Variants in EDAR observed in about 807,000 individuals in gnomAD.
EDAR encodes the protein tumor necrosis factor receptor superfamily member EDAR.
In EDAR, 38 loss-of-function variants were observed where a neutral mutation model predicts 51.3. That is an observed-to-expected ratio of 0.74 (90% CI 0.57 to 0.97). The LOEUF (loss-of-function observed/expected upper bound fraction) is 0.97, where lower values mean the gene tolerates loss of function less well. EDAR is among the 50% of genes least tolerant of loss of function. The pLI is 0.00. For missense variants in EDAR, 528 were observed against 595.0 expected (o/e 0.89, Z 1.17); for synonymous variants, 227 against 242.1 (o/e 0.94, Z 0.58).
intron 1 of EDAR, among the ~76,000 whole-genome samples, chr2:108,932,528 CAAAAAAAAAAAAAA>C (rs1171012818): frequency 2.6e-5 from 1 of 39,124 alleles, no homozygotes; most frequent in Non-Finnish European, 5.0e-5. Flanking sequence ...GACTCTGTCT[CAAAAAAAAAAAAAA>C]AAAAAAAAAA....
Position 108,910,971 on chromosome 2 carries a change from G to T in EDAR, c.631C>A (p.Leu211Met). 1 of 1,614,162 alleles carries T rather than the reference G, an allele frequency of 6.2e-7. No homozygotes were observed. The highest frequency in any genetic ancestry group is 1.7e-5 in the Admixed American group (1 of 60,024). ...CCTGGGGCAGAGGGCTTTGTCTTCAGGATGTAGAACATGATGATGAGGACG... is the reference window on the plus strand; with the variant it reads ...CCTGGGGCAGAGGGCTTTGTCTTCATGATGTAGAACATGATGATGAGGACG... ...AIVLIIMFYILKTKPSAPACC... is the reference protein window; with the variant it reads ...AIVLIIMFYIMKTKPSAPACC... Residue 211 changes from leucine to methionine, a missense_variant, in exon 7 of 12, where the codon CTG (leucine) becomes ATG (methionine). Leu to Met is a conservative substitution (Grantham distance 15). Transcript: ENST00000258443.
At chr2:108,969,024 G>A (rs999611973) in intron 1 of EDAR, among the ~76,000 whole-genome samples, 1 of 152,190 alleles carries the variant, frequency 6.6e-6, no homozygotes, top group African/African-American at 2.4e-5. Context: ...GAATCAGCAA[G>A]GCCACCTCAA....
In EDAR at chr2:108,929,198, C is replaced by T; in HGVS notation, c.356G>A (p.Gly119Asp). 1 of 1,613,968 alleles carries T rather than the reference C, an allele frequency of 6.2e-7. No homozygotes were observed. The highest frequency in any genetic ancestry group is 8.5e-7 in the Non-Finnish European group (1 of 1,180,036). ...NDAECGPCLP[G>D]YYMLENRPRN... is the part of the protein sequence containing the mutation. ...GTTTGCCAGGAGGGCCTGTGCTTAC[C>T]CAGGGAGGCAAGGGCCACACTCAGC... is the stretch of plus-strand genomic sequence containing the variant. Residue 119 changes from glycine (G) to aspartate (D), a missense_variant and splice_region_variant, in exon 4 of 12, where the codon GGC (glycine) becomes GAC (aspartate). Gly to Asp is a moderately conservative substitution (Grantham distance 94, BLOSUM62 -1). Coordinates refer to ENST00000258443, the MANE Select transcript of EDAR (RefSeq NM_022336.4).
rs183150977 is a variant in EDAR, at chr2:108,953,070, C to T, written c.-18-22038G>A. ...GATATTTTGATATAGGCATGCAATGCGTAATAACCACATCATGAAAAGTGG... is the reference window on the plus strand; with the variant it reads ...GATATTTTGATATAGGCATGCAATGTGTAATAACCACATCATGAAAAGTGG... On this transcript the variant is annotated intron_variant, in intron 1 of 11. Coordinates refer to ENST00000258443, the MANE Select transcript of EDAR (RefSeq NM_022336.4). Among the ~76,000 whole-genome samples, 158 of 152,312 alleles carry T rather than the reference C, an allele frequency of 1.0e-3. 1 individual carries two copies. The highest frequency in any genetic ancestry group is 3.7e-3 in the African/African-American group (153 of 41,566).
intron 1 of EDAR, among the ~76,000 whole-genome samples, chr2:108,987,871 A>G (rs1458269266): frequency 1.3e-5 from 2 of 152,208 alleles, no homozygotes; most frequent in Non-Finnish European, 2.9e-5. Flanking sequence ...TTAAGTGGCT[A>G]TGACTTACAA....
At position 108,906,383 on chromosome 2, in the gene EDAR, C is replaced by G. The variant is rs751100471; in HGVS notation, c.964-15G>C. 1.2e-6 allele frequency: 2 copies of G among 1,613,938 alleles called. No homozygotes were observed. The highest frequency in any genetic ancestry group is 2.7e-5 in the African/African-American group (2 of 74,934). On this transcript the variant is annotated splice_polypyrimidine_tract_variant and intron_variant, in intron 10 of 11. Coordinates refer to ENST00000258443, the MANE Select transcript of EDAR (RefSeq NM_022336.4). ...CGGCTTTGAATCTGTGAAAAAGAGTCGAGAATTTTCATCTCCAGAAAGGGG... is the reference window on the plus strand; with the variant it reads ...CGGCTTTGAATCTGTGAAAAAGAGTGGAGAATTTTCATCTCCAGAAAGGGG...
intron 4 of EDAR, among the ~76,000 whole-genome samples, chr2:108,925,896 G>A (rs1222575552): frequency 6.6e-6 from 1 of 152,108 alleles, no homozygotes; most frequent in African/African-American, 2.4e-5. Context: ...GATTACAGGC[G>A]TGAACCACCG....
At chr2:108,962,003 C>T (rs541553080) in intron 1 of EDAR, among the ~76,000 whole-genome samples, 1 of 152,228 alleles carries the variant, frequency 6.6e-6, no homozygotes, top group Non-Finnish European at 1.5e-5. Flanking sequence ...TGAGCTGTTT[C>T]TCCCAACACC....
At position 108,895,100 on chromosome 2, in the gene EDAR, A is replaced by C. The variant is rs368551221; in HGVS notation, c.*1807T>G. 1.3e-5 allele frequency: 2 copies of C among 152,806 alleles called. No individual in the cohort carries two copies. The highest frequency in any genetic ancestry group is 4.8e-5 in the African/African-American group (2 of 41,590). 9.5% of individuals were successfully genotyped at this position (152,806 alleles called of 1,614,324 possible). ...AAAGGATAATTAAGCTCTGCCGTGGAGTATTTAGCTTGCAGGGTAAACCAA... is the reference window on the plus strand; with the variant it reads ...AAAGGATAATTAAGCTCTGCCGTGGCGTATTTAGCTTGCAGGGTAAACCAA... On this transcript the variant is annotated 3_prime_UTR_variant, in exon 12 of 12. Transcript: ENST00000258443.
rs140661471 is a variant in EDAR, at chr2:108,987,283, G to A, written c.-19+1677C>T. Among the ~76,000 whole-genome samples, 1,487 of 152,336 alleles carry A rather than the reference G, an allele frequency of 9.8e-3. 19 individuals carry two copies. Among genetic ancestry groups the A allele is most frequent in the Middle Eastern group, 0.02 (6 of 294 alleles). ...GTCAGGTAACCCAGCTTCCATCTGT[G>A]GGCCTATGAGACCTGAGGAACTTTG... On this transcript the variant is annotated intron_variant, in intron 1 of 11. Transcript: ENST00000258443.
chr2:108,899,559 A>G (rs1361286222), intron 11 of EDAR, among the ~76,000 whole-genome samples: 3 of 152,262 alleles, frequency 2.0e-5, no homozygotes, highest in African/African-American at 7.2e-5. Flanking sequence ...TCTGAATTAC[A>G]TTAGGCAGTT....
intron 1 of EDAR, among the ~76,000 whole-genome samples, chr2:108,983,121 G>A (rs1164672163): frequency 6.6e-6 from 1 of 152,162 alleles, no homozygotes; most frequent in African/African-American, 2.4e-5. Flanking sequence ...AGCTGTCAGT[G>A]CCCTCCCTTG....
intron 1 of EDAR, among the ~76,000 whole-genome samples, chr2:108,988,389 G>C (rs921278079): frequency 6.6e-6 from 1 of 152,102 alleles, no homozygotes; most frequent in Admixed American, 6.5e-5. Flanking sequence ...CTCTTGGCTG[G>C]AAATGAAAAC....
chr2:108,951,134 G>A (rs1038359798), intron 1 of EDAR, among the ~76,000 whole-genome samples: 2 of 152,234 alleles, frequency 1.3e-5, no homozygotes, highest in Non-Finnish European at 2.9e-5. Context: ...CATCCTGAGA[G>A]GATTCTATGT....
intron 5 of EDAR, among the ~76,000 whole-genome samples, chr2:108,914,317 A>T (rs1220318722): frequency 1.3e-5 from 2 of 152,132 alleles, no homozygotes; most frequent in Non-Finnish European, 2.9e-5. Flanking sequence ...ATAAGAACAC[A>T]AGAAAGGAGG....
Position 108,930,972 on chromosome 2 carries a change from C to T in EDAR, c.43G>A (p.Val15Ile), listed in dbSNP as rs151195196. 4.5e-4 allele frequency: 724 copies of T among 1,613,920 alleles called. 5 individuals carry two copies. In the African/African-American group the frequency reaches 8.3e-3, roughly 18 times the overall value. ...GDCTQTPWLP[V>I]LVVSLMCSAR... The stretch of plus-strand genomic sequence containing the variant: ...GGGCTCAGACCACTTACCACCAGGA[C>T]GGGGAGCCAGGGCGTCTGCGTGCAG... The change falls in exon 2 of 12, where the codon GTC (valine) becomes ATC (isoleucine). Residue 15 changes from valine (V) to isoleucine (I), a missense_variant. Val to Ile is a conservative substitution (Grantham distance 29, BLOSUM62 3). Transcript: ENST00000258443.
chr2:108,915,633 C>T (rs1697012696), intron 5 of EDAR, among the ~76,000 whole-genome samples: 1 of 152,060 alleles, frequency 6.6e-6, no homozygotes, highest in Non-Finnish European at 1.5e-5. Flanking sequence ...GGCACGGTGG[C>T]TCATGCCTAT....
rs199984607 is a variant in EDAR, at chr2:108,896,891, C to G, written c.*16G>C. On this transcript the variant is annotated 3_prime_UTR_variant, in exon 12 of 12. Transcript: ENST00000258443. ...TCCTTGGCTTGTCCTGGGAGGACAG[C>G]CCACAGGCATGCTTTTCAGGATGCA... 5.2e-5 allele frequency: 83 copies of G among 1,605,626 alleles called. No individual in the cohort carries two copies. The African/African-American group carries it at 9.5e-4, about 18-fold the overall frequency.
At chr2:108,971,345 T>A (rs1218566986) in intron 1 of EDAR, among the ~76,000 whole-genome samples, 1 of 151,950 alleles carries the variant, frequency 6.6e-6, no homozygotes, top group Non-Finnish European at 1.5e-5. Flanking sequence ...AATGCCAAAT[T>A]TCAGGCCGCA....
Sources: gnomAD v4.1 joint callset for allele counts (sites outside exome capture counted in the v4.1 genomes callset) on GRCh38, gnomAD v4.1.1 for gene constraint, MANE v1.5 for transcripts, NCBI Gene and HGNC (gene_info 2026-07-23, HGNC 2026-07-21) for gene names.